MYO16: variants seen among roughly 807,000 people sequenced by gnomAD.
MYO16 encodes the protein unconventional myosin-XVI.
A neutral mutation model predicts 205.3 loss-of-function variants in MYO16; 94 were observed. The ratio of observed to expected loss-of-function variants is 0.46; its 90% confidence interval spans 0.39 to 0.54. MYO16 has a LOEUF of 0.54. MYO16 is among the 20% of genes least tolerant of loss of function. The pLI is 0.00. For synonymous variants in MYO16, 988 were observed against 954.0 expected, an observed-to-expected ratio of 1.04 and a Z score of -0.66; for missense variants, 2,315 against 2,387.5, an observed-to-expected ratio of 0.97 and a Z score of 0.63.
intron 27 of MYO16, among the ~76,000 whole-genome samples, chr13:109,059,323 C>CGTA (rs1456348859): frequency 2.7e-4 from 41 of 152,250 alleles, no homozygotes; most frequent in African/African-American, 9.4e-4. Context: ...TCTATTCTTA[C>CGTA]ATAATTCCTC....
chr13:108,595,701 C>T (rs1484752470), upstream of MYO16, among the ~76,000 whole-genome samples: 1 of 152,082 alleles, frequency 6.6e-6, no homozygotes, highest in African/African-American at 2.4e-5. Flanking sequence ...ATAAATAACG[C>T]TGCTGATCTT....
chr13:109,163,525 C>T (rs1878494898), intron 32 of MYO16, among the ~76,000 whole-genome samples: 1 of 142,794 alleles, frequency 7.0e-6, no homozygotes, highest in South Asian at 2.3e-4. Context: ...CCACCTCCCT[C>T]CTTCCCTCCC....
chr13:108,666,212 T>G, intron 2 of MYO16, 63 bp downstream of exon 2: 1 of 1,491,628 alleles, frequency 6.7e-7, no homozygotes, highest in Admixed American at 2.2e-5. Flanking sequence ...TTTTTGTTGG[T>G]TTGTTGTTTT....
intron 23 of MYO16, among the ~76,000 whole-genome samples, chr13:109,041,926 G>A (rs144710481): frequency 0.023 from 3,444 of 150,848 alleles, 51 homozygotes; most frequent in South Asian, 0.051. Flanking sequence ...CAGTGGTGGC[G>A]TGATCTCGGC....
intron 7 of MYO16, among the ~76,000 whole-genome samples, chr13:108,815,654 A>T (rs764186315): frequency 2.0e-5 from 3 of 152,216 alleles, no homozygotes; most frequent in Non-Finnish European, 4.4e-5. Flanking sequence ...ATTGTAAGGC[A>T]ATACATTTTT....
At chr13:108,925,064 A>G (rs1881928886) in intron 16 of MYO16, among the ~76,000 whole-genome samples, 1 of 152,098 alleles carries the variant, frequency 6.6e-6, no homozygotes, top group Non-Finnish European at 1.5e-5. Context: ...TTAAGTACAC[A>G]GAGTCATTTT....
chr13:108,708,511 C>G (rs1887126), intron 2 of MYO16, among the ~76,000 whole-genome samples: 20,444 of 152,204 alleles, frequency 0.13, 1,665 homozygotes, highest in East Asian at 0.38. Flanking sequence ...TCCCATATCC[C>G]CTCTAACCAG....
At chr13:108,804,607 C>G (rs1458547662) in intron 6 of MYO16, among the ~76,000 whole-genome samples, 1 of 152,098 alleles carries the variant, frequency 6.6e-6, no homozygotes, top group Non-Finnish European at 1.5e-5. Flanking sequence ...CTTATGGATT[C>G]AGAGGTTGAT....
At chr13:108,913,912 A>G (rs929466202) in intron 16 of MYO16, among the ~76,000 whole-genome samples, 1 of 152,030 alleles carries the variant, frequency 6.6e-6, no homozygotes, top group Admixed American at 6.6e-5. Context: ...CCTGTAACCA[A>G]TCCAGCTGTT....
At chr13:109,022,188 A>T (rs1239753809) in intron 23 of MYO16, among the ~76,000 whole-genome samples, 2 of 136,230 alleles carry the variant, frequency 1.5e-5, no homozygotes, top group Admixed American at 7.5e-5. Flanking sequence ...TATATATTAT[A>T]TATTTATAAT....
intron 32 of MYO16, among the ~76,000 whole-genome samples, chr13:109,147,764 ACTGT>A (rs781567100): frequency 1.3e-5 from 2 of 152,212 alleles, no homozygotes; most frequent in East Asian, 1.9e-4. Flanking sequence ...ATGATCTGTG[ACTGT>A]CTGAATTCTT....
At chr13:108,702,758 G>A (rs1165951264) in intron 2 of MYO16, among the ~76,000 whole-genome samples, 3 of 152,050 alleles carry the variant, frequency 2.0e-5, no homozygotes, top group Non-Finnish European at 4.4e-5. Flanking sequence ...GATGTAATTT[G>A]TTTAAACATA....
intron 4 of MYO16, among the ~76,000 whole-genome samples, chr13:108,767,349 G>A (rs1285388341): frequency 3.9e-5 from 6 of 152,080 alleles, no homozygotes; most frequent in East Asian, 3.9e-4. Context: ...TGATCCATCC[G>A]CCTCAGCCTC....
At chr13:108,839,390 G>A (rs1165247429) in intron 9 of MYO16, among the ~76,000 whole-genome samples, 1 of 152,006 alleles carries the variant, frequency 6.6e-6, no homozygotes, top group African/African-American at 2.4e-5. Flanking sequence ...AAATTTTTAT[G>A]AGCATTATAA....
chr13:109,143,668 TA>T (rs1877201916), intron 32 of MYO16, among the ~76,000 whole-genome samples: 1 of 152,244 alleles, frequency 6.6e-6, no homozygotes, highest in Non-Finnish European at 1.5e-5. Flanking sequence ...TAGTGAGAAT[TA>T]TAGTGAGCCC....
chr13:109,146,847 A>C (rs1877359323), intron 32 of MYO16, among the ~76,000 whole-genome samples: 1 of 151,874 alleles, frequency 6.6e-6, no homozygotes, highest in South Asian at 2.1e-4. Context: ...GAAAAAGAGA[A>C]AGAAAAAAAG....
At chr13:109,049,584 ATT>A (rs59528534) in intron 24 of MYO16, among the ~76,000 whole-genome samples, 1 of 151,272 alleles carries the variant, frequency 6.6e-6, no homozygotes, top group Non-Finnish European at 1.5e-5. Context: ...TTCTTTTTAA[ATT>A]TTTTTTTGTA....
At chr13:109,059,787 G>A (rs1887529759) in intron 27 of MYO16, among the ~76,000 whole-genome samples, 1 of 152,082 alleles carries the variant, frequency 6.6e-6, no homozygotes, top group East Asian at 1.9e-4. Context: ...ATCAATTTTG[G>A]CTTCTGTTGC....
intron 27 of MYO16, among the ~76,000 whole-genome samples, chr13:109,092,740 A>G (rs1480983836): frequency 6.6e-6 from 1 of 152,188 alleles, no homozygotes; most frequent in Non-Finnish European, 1.5e-5. Flanking sequence ...AAAAAAAGTC[A>G]CCATTTTAAT....
Sources: gnomAD v4.1 joint callset for allele counts (sites outside exome capture counted in the v4.1 genomes callset) on GRCh38, gnomAD v4.1.1 for gene constraint, MANE v1.5 for transcripts, NCBI Gene and HGNC (gene_info 2026-07-23, HGNC 2026-07-21) for gene names.